OTUD7A: variants seen among roughly 807,000 people sequenced by gnomAD.
OTUD7A encodes the protein OTU deubiquitinase 7A.
In OTUD7A, 12 loss-of-function variants were observed where a neutral mutation model predicts 65.7. The observed-to-expected ratio is 0.18, with a 90% CI of 0.12 to 0.30. The LOEUF is 0.30. Among genes scored for constraint, OTUD7A ranks in the 10% least tolerant of loss-of-function variants. OTUD7A has a pLI of 1.00. For missense variants in OTUD7A, 1,148 were observed against 1,304.8 expected (o/e 0.88, Z 1.85); for synonymous variants, 641 against 586.3 (o/e 1.09, Z -1.35).
intron 5 of OTUD7A, among the ~76,000 whole-genome samples, chr15:31,540,780 A>G (rs977243696): frequency 2.0e-5 from 3 of 152,228 alleles, no homozygotes; most frequent in African/African-American, 7.2e-5. Flanking sequence ...TTGGCTTAAA[A>G]GGTACCTTTA....
At chr15:31,774,560 T>C (rs564089834) in intron 1 of OTUD7A, among the ~76,000 whole-genome samples, 4 of 152,304 alleles carry the variant, frequency 2.6e-5, no homozygotes, top group African/African-American at 9.6e-5. Context: ...GCACACTCTG[T>C]TAATGAGGAC....
At chr15:31,541,318 A>C (rs1356715175) in intron 5 of OTUD7A, among the ~76,000 whole-genome samples, 1 of 152,216 alleles carries the variant, frequency 6.6e-6, no homozygotes. Context: ...GCAACTTTTA[A>C]AAACCAATGA....
intron 1 of OTUD7A, among the ~76,000 whole-genome samples, chr15:31,861,545 C>G (rs1303301938): frequency 6.6e-6 from 1 of 152,136 alleles, no homozygotes; most frequent in Non-Finnish European, 1.5e-5. Flanking sequence ...GCAGAGGACC[C>G]TGGAGGGATG....
intron 3 of OTUD7A, among the ~76,000 whole-genome samples, chr15:31,610,592 A>ATT (rs200768558): frequency 0.019 from 1,910 of 102,246 alleles, 50 homozygotes; most frequent in African/African-American, 0.076. Context: ...GAAAAATGAA[A>ATT]TTATATATAT....
intron 3 of OTUD7A, among the ~76,000 whole-genome samples, chr15:31,605,475 A>C (rs902890786): frequency 6.6e-6 from 1 of 152,106 alleles, no homozygotes; most frequent in Non-Finnish European, 1.5e-5. Context: ...TGGACGGCTG[A>C]TTCTCCTTGG....
intron 1 of OTUD7A, among the ~76,000 whole-genome samples, chr15:31,811,889 A>C (rs1379530684): frequency 6.6e-6 from 1 of 152,176 alleles, no homozygotes; most frequent in East Asian, 1.9e-4. Flanking sequence ...AACAGTGAGC[A>C]TTCACTCACT....
chr15:31,583,219 T>C (rs1889425468), intron 3 of OTUD7A, among the ~76,000 whole-genome samples: 2 of 152,216 alleles, frequency 1.3e-5, no homozygotes, highest in African/African-American at 4.8e-5. Flanking sequence ...ACTCTCTTTC[T>C]GGTGCAGTCT....
intron 1 of OTUD7A, among the ~76,000 whole-genome samples, chr15:31,771,287 C>T (rs1003724334): frequency 2.6e-5 from 4 of 152,146 alleles, no homozygotes; most frequent in Non-Finnish European, 2.9e-5. Context: ...GTTTATTGGA[C>T]TATCTATTTG....
At chr15:31,857,548 C>T (rs1181103544) in intron 1 of OTUD7A, among the ~76,000 whole-genome samples, 1 of 151,930 alleles carries the variant, frequency 6.6e-6, no homozygotes, top group Non-Finnish European at 1.5e-5. Context: ...GCCTGGGACC[C>T]AGGAGGAGTG....
chr15:31,501,854 C>A lies in OTUD7A; in HGVS notation c.1022-15G>T. On this transcript the variant is annotated splice_polypyrimidine_tract_variant and intron_variant, in intron 9 of 12. Coordinates refer to ENST00000307050, the MANE Select transcript of OTUD7A (RefSeq NM_001382637.1). ...GGGTGCGAACGCTGTGGACACAAAC[C>A]AGGGTGAGGGTGTGAGGAGCAGCCA... The A allele has an allele frequency of 6.2e-7, 1 of 1,600,994 alleles. No homozygotes were observed. Among genetic ancestry groups the A allele is most frequent in the Non-Finnish European group, 8.5e-7 (1 of 1,172,604 alleles).
At chr15:31,849,776 T>C (rs1269772074) in intron 1 of OTUD7A, among the ~76,000 whole-genome samples, 1 of 152,224 alleles carries the variant, frequency 6.6e-6, no homozygotes, top group East Asian at 1.9e-4. Flanking sequence ...AAGAAATTTA[T>C]GCAGCCAACA....
At chr15:31,496,125 T>C (rs1336371786) in intron 10 of OTUD7A, among the ~76,000 whole-genome samples, 1 of 152,030 alleles carries the variant, frequency 6.6e-6, no homozygotes, top group Non-Finnish European at 1.5e-5. Context: ...ACTAAGCTGA[T>C]TCTTACCGTA....
chr15:31,748,535 T>C (rs1429735752), intron 1 of OTUD7A, among the ~76,000 whole-genome samples: 3 of 151,972 alleles, frequency 2.0e-5, no homozygotes, highest in Non-Finnish European at 4.4e-5. Flanking sequence ...AAAATATATA[T>C]GGGGTCCTTT....
chr15:31,526,490 G>T, intron 7 of OTUD7A, 29 bp from the exon 8 acceptor site: 1 of 1,520,606 alleles, frequency 6.6e-7, no homozygotes, highest in Non-Finnish European at 8.8e-7. Context: ...CTCAGAAGGG[G>T]GGTGGGCCAC....
chr15:31,854,242 C>T (rs1335722311), intron 1 of OTUD7A, among the ~76,000 whole-genome samples: 1 of 152,174 alleles, frequency 6.6e-6, no homozygotes, highest in East Asian at 1.9e-4. Flanking sequence ...ATCACTCTGA[C>T]CTCTGCTCTC....
At position 31,630,788 on chromosome 15, in the gene OTUD7A, A is replaced by G. The variant is rs1214002334; in HGVS notation, c.151+24308T>C. 3.3e-5 allele frequency among the ~76,000 whole-genome samples: 5 copies of G among 152,360 alleles called. No homozygotes were observed. In the South Asian group the frequency reaches 8.3e-4, roughly 25 times the overall value. Reference sequence around the variant, plus strand: ...TGGTGCTCCTGTATTGGGTGCATATATATTTAGGATAGTTAGCTCTTCTTG... The same window carrying G: ...TGGTGCTCCTGTATTGGGTGCATATGTATTTAGGATAGTTAGCTCTTCTTG... On this transcript the variant is annotated intron_variant, in intron 3 of 12. Coordinates refer to ENST00000307050, the MANE Select transcript of OTUD7A (RefSeq NM_001382637.1).
chr15:31,694,704 AGATCATGC>A (rs1255920328), intron 1 of OTUD7A, among the ~76,000 whole-genome samples: 2 of 152,132 alleles, frequency 1.3e-5, no homozygotes, highest in Non-Finnish European at 2.9e-5. Flanking sequence ...CACATAAGTG[AGATCATGC>A]AGTATTTGTC....
At chr15:31,714,222 A>G in intron 1 of OTUD7A, among the ~76,000 whole-genome samples, 1 of 152,068 alleles carries the variant, frequency 6.6e-6, no homozygotes, top group East Asian at 1.9e-4. Context: ...ATGATAACCA[A>G]TGGATCCACT....
At chr15:31,860,240 T>C (rs1279074579) in intron 1 of OTUD7A, among the ~76,000 whole-genome samples, 2 of 152,164 alleles carry the variant, frequency 1.3e-5, no homozygotes, top group Admixed American at 1.3e-4. Flanking sequence ...AATCAGTAAA[T>C]TATCTGGTTT....
Sources: gnomAD v4.1 joint callset for allele counts (sites outside exome capture counted in the v4.1 genomes callset) on GRCh38, gnomAD v4.1.1 for gene constraint, MANE v1.5 for transcripts, NCBI Gene and HGNC (gene_info 2026-07-23, HGNC 2026-07-21) for gene names.